Variants in PCDHGA2 observed in about 807,000 individuals in gnomAD.
PCDHGA2 encodes the protein protocadherin gamma subfamily A, 2, also known as protocadherin gamma-A2.
In PCDHGA2, 40 loss-of-function variants were observed where a neutral mutation model predicts 59.2. That is an observed-to-expected ratio of 0.68 (90% CI 0.52 to 0.88). The LOEUF is 0.88. Among genes scored for constraint, PCDHGA2 ranks in the 40% least tolerant of loss-of-function variants. PCDHGA2 has a pLI of 0.00. For synonymous variants in PCDHGA2, 560 were observed against 526.0 expected, an observed-to-expected ratio of 1.06 and a Z score of -0.89; for missense variants, 1,226 against 1,204.0, an observed-to-expected ratio of 1.02 and a Z score of -0.27.
chr5:141,352,189 TG>T (rs1341737316), intron 1 of PCDHGA2: 2 of 1,613,696 alleles, frequency 1.2e-6, no homozygotes, highest in African/African-American at 2.7e-5. Flanking sequence ...TCGCTGTGCG[TG>T]ATGGAGGACA....
chr5:141,371,704 C>A, intron 1 of PCDHGA2: 1 of 1,614,030 alleles, frequency 6.2e-7, no homozygotes, highest in Non-Finnish European at 8.5e-7. Context: ...TCCAGCAAGA[C>A]CATCACTCTG....
intron 1 of PCDHGA2, chr5:141,433,325 C>CA: frequency 2.8e-6 from 2 of 726,266 alleles, no homozygotes; most frequent in Non-Finnish European, 4.5e-6. Context: ...TCCGGTGTAA[C>CA]AGGGACTACA....
intron 1 of PCDHGA2, chr5:141,344,191 G>T (rs1281454137): frequency 1.2e-6 from 2 of 1,613,900 alleles, no homozygotes; most frequent in African/African-American, 2.7e-5. Context: ...AACGACCTGG[G>T]GCTAGAGCCC....
chr5:141,352,506 A>T (rs770894188), intron 1 of PCDHGA2: 13 of 1,613,868 alleles, frequency 8.1e-6, no homozygotes, highest in Non-Finnish European at 1.0e-5. Flanking sequence ...TATTCCTACA[A>T]TCTATGTATT....
In PCDHGA2 at chr5:141,454,796, ATTTTT is replaced by A. The variant is rs61612330; in HGVS notation, c.2425-39986_2425-39982del. Among the ~76,000 whole-genome samples the A allele has an allele frequency of 4.9e-3, 378 of 77,354 alleles. 2 individuals carry two copies. Among genetic ancestry groups the A allele is most frequent in the Admixed American group, 9.2e-3 (51 of 5,544 alleles). 50.7% of individuals were successfully genotyped at this position (77,354 alleles called of 152,430 possible). On this transcript the variant is annotated intron_variant, in intron 1 of 3. Coordinates refer to ENST00000394576, the MANE Select transcript of PCDHGA2 (RefSeq NM_018915.4). ...AAGGAAATAATCCTCCATGGTTCTA[ATTTTT>A]TTTTTTTTTTTTTTTTTTTTTTTTG...
At chr5:141,464,913 AT>A (rs1366203949) in intron 1 of PCDHGA2, among the ~76,000 whole-genome samples, 1 of 151,428 alleles carries the variant, frequency 6.6e-6, no homozygotes, top group Non-Finnish European at 1.5e-5. Context: ...TAATTTTTTT[AT>A]TTTTTTGTAG....
chr5:141,381,826 C>CTTTTTTTTTTTTTTTTTTTTTTTTTTTT (rs770630741), intron 1 of PCDHGA2, among the ~76,000 whole-genome samples: 17 of 74,292 alleles, frequency 2.3e-4, no homozygotes, highest in Non-Finnish European at 3.3e-4. Context: ...CTTTCTTCTT[C>CTTTTTTTTTTTTTTTTTTTTTTTTTTTT]TTTTTTTTTT....
At chr5:141,458,217 T>C (rs1026901943) in intron 1 of PCDHGA2, among the ~76,000 whole-genome samples, 1 of 152,210 alleles carries the variant, frequency 6.6e-6, no homozygotes, top group Admixed American at 6.5e-5. Context: ...AAAATAAGTT[T>C]CCTTTCCCAG....
At chr5:141,360,153 G>T in intron 1 of PCDHGA2, 2 of 1,604,018 alleles carry the variant, frequency 1.2e-6, no homozygotes, top group Non-Finnish European at 1.7e-6. Context: ...CGAGCTCAGG[G>T]AGGTGCGGGC....
At chr5:141,483,637 G>A (rs1365525499) in intron 1 of PCDHGA2, among the ~76,000 whole-genome samples, 1 of 145,878 alleles carries the variant, frequency 6.9e-6, no homozygotes, top group South Asian at 2.1e-4. Flanking sequence ...AAGGTATAGA[G>A]GGGTGTGTGT....
intron 1 of PCDHGA2, among the ~76,000 whole-genome samples, chr5:141,473,090 T>C (rs1426311051): frequency 3.9e-5 from 6 of 152,064 alleles, no homozygotes; most frequent in African/African-American, 1.4e-4. Context: ...TTATCCACTG[T>C]GAGTTGTATT....
intron 1 of PCDHGA2, chr5:141,372,479 G>A (rs568230269): frequency 1.9e-6 from 3 of 1,614,020 alleles, no homozygotes; most frequent in African/African-American, 2.7e-5. Flanking sequence ...TAGTAGTGGC[G>A]TTGGCCTTGA....
intron 1 of PCDHGA2, chr5:141,383,027 C>T (rs752703068): frequency 1.2e-6 from 2 of 1,613,838 alleles, no homozygotes; most frequent in Admixed American, 1.7e-5. Context: ...GACAAAGGGT[C>T]CTTTGTGGGA....
At chr5:141,421,662 G>A (rs2096591243) in intron 1 of PCDHGA2, 3 of 1,613,844 alleles carry the variant, frequency 1.9e-6, no homozygotes, top group South Asian at 1.1e-5. Context: ...AAGTCAGTGA[G>A]CACGCAATTC....
At chr5:141,413,109 A>G in intron 1 of PCDHGA2, 2 of 1,498,490 alleles carry the variant, frequency 1.3e-6, no homozygotes, top group African/African-American at 1.4e-5. Flanking sequence ...ACAGAAAGAC[A>G]AAGGAACCGG....
At position 141,366,371 on chromosome 5, in the gene PCDHGA2, C is replaced by T. The variant is rs780787385; in HGVS notation, c.2424+24976C>T. 2.2e-5 allele frequency: 35 copies of T among 1,613,992 alleles called. No individual in the cohort carries two copies. In the South Asian group the frequency reaches 3.4e-4, roughly 16 times the overall value. Reference sequence around the variant, plus strand: ...GGCTGACCTAGGCAGTATCAAGACCCCCATTGACCCTGAGGATCTGGACCT... The same window carrying T: ...GGCTGACCTAGGCAGTATCAAGACCTCCATTGACCCTGAGGATCTGGACCT... On this transcript the variant is annotated intron_variant, in intron 1 of 3. Coordinates refer to ENST00000394576, the MANE Select transcript of PCDHGA2 (RefSeq NM_018915.4).
At chr5:141,369,815 G>A (rs1204825120) in intron 1 of PCDHGA2, among the ~76,000 whole-genome samples, 2 of 152,150 alleles carry the variant, frequency 1.3e-5, no homozygotes, top group South Asian at 2.1e-4. Flanking sequence ...ACCAAAAATA[G>A]CTTCCATTTG....
intron 1 of PCDHGA2, among the ~76,000 whole-genome samples, chr5:141,437,514 C>G (rs2097891371): frequency 6.6e-6 from 1 of 152,114 alleles, no homozygotes; most frequent in South Asian, 2.1e-4. Flanking sequence ...AATTATAAGG[C>G]TGATGACAAA....
chr5:141,365,759 C>G (rs376978243), intron 1 of PCDHGA2: 16 of 1,613,742 alleles, frequency 9.9e-6, no homozygotes, highest in Non-Finnish European at 1.2e-5. Flanking sequence ...TGTGACAGCC[C>G]ATGACCCCGA....
Sources: gnomAD v4.1 joint callset for allele counts (sites outside exome capture counted in the v4.1 genomes callset) on GRCh38, gnomAD v4.1.1 for gene constraint, MANE v1.5 for transcripts, NCBI Gene and HGNC (gene_info 2026-07-23, HGNC 2026-07-21) for gene names.